The following SNTG1 variants were observed in gnomAD, a reference collection of about 807,000 sequenced individuals.
SNTG1 encodes gamma-1-syntrophin.
Under a neutral mutation model 74.7 loss-of-function variants are expected in SNTG1, and 39 were observed. That is an observed-to-expected ratio of 0.52 (90% CI 0.40 to 0.68). The LOEUF (loss-of-function observed/expected upper bound fraction) is 0.68. Among genes scored for constraint, SNTG1 ranks in the 30% least tolerant of loss-of-function variants. SNTG1 has a pLI of 0.00. For synonymous variants in SNTG1, 254 were observed against 217.1 expected, an observed-to-expected ratio of 1.17 and a Z score of -1.49; for missense variants, 685 against 609.5, an observed-to-expected ratio of 1.12 and a Z score of -1.30.
intron 17 of SNTG1, among the ~76,000 whole-genome samples, chr8:50,742,538 A>AT (rs2095545733): frequency 1.3e-5 from 2 of 151,846 alleles, no homozygotes; most frequent in South Asian, 4.1e-4. Context: ...GAGTATAAGT[A>AT]TATATATATT....
intron 12 of SNTG1, among the ~76,000 whole-genome samples, chr8:50,554,397 ACT>A (rs911512721): frequency 5.3e-5 from 8 of 150,714 alleles, no homozygotes; most frequent in African/African-American, 2.0e-4. Context: ...AATCTTCAAA[ACT>A]CTGTGTCACG....
intron 1 of SNTG1, among the ~76,000 whole-genome samples, chr8:50,045,472 C>T (rs901924659): frequency 6.6e-6 from 1 of 152,102 alleles, no homozygotes; most frequent in Non-Finnish European, 1.5e-5. Context: ...ATGACAATTT[C>T]ACCCCCATGA....
intron 2 of SNTG1, among the ~76,000 whole-genome samples, chr8:50,353,594 G>T (rs1206918208): frequency 6.6e-6 from 1 of 152,052 alleles, no homozygotes; most frequent in Non-Finnish European, 1.5e-5. Context: ...AAGTGAGTTT[G>T]GGCTTTGCTC....
At chr8:50,146,890 AT>A (rs59246656) in intron 1 of SNTG1, among the ~76,000 whole-genome samples, 3 of 151,698 alleles carry the variant, frequency 2.0e-5, no homozygotes, top group African/African-American at 4.8e-5. Context: ...GAGTTTTAAG[AT>A]TTTTTTATAC....
intron 8 of SNTG1, among the ~76,000 whole-genome samples, chr8:50,501,437 T>G (rs909582463): frequency 1.3e-4 from 17 of 127,554 alleles, no homozygotes; most frequent in African/African-American, 3.0e-4. Context: ...TTTTTTTTTT[T>G]TTTTTTTTTT....
intron 1 of SNTG1, among the ~76,000 whole-genome samples, chr8:50,131,977 T>C (rs1206617754): frequency 6.6e-6 from 1 of 152,088 alleles, no homozygotes; most frequent in East Asian, 1.9e-4. Flanking sequence ...TGTTGGAGAT[T>C]AGTTGACCAC....
intron 2 of SNTG1, among the ~76,000 whole-genome samples, chr8:50,293,419 TTTTTTTTTTAGAC>T (rs2089218242): frequency 2.0e-5 from 3 of 150,326 alleles, no homozygotes; most frequent in African/African-American, 7.3e-5. Context: ...TTTTTTTTCT[TTTTTTTTTTAGAC>T]TGAGTCTTGC....
chr8:50,283,068 T>C (rs1272746929), intron 2 of SNTG1, among the ~76,000 whole-genome samples: 2 of 152,178 alleles, frequency 1.3e-5, no homozygotes, highest in Non-Finnish European at 2.9e-5. Context: ...CAAGCTGTAG[T>C]TTAAGGAAAA....
intron 15 of SNTG1, among the ~76,000 whole-genome samples, chr8:50,672,211 G>T (rs1010936735): frequency 2.7e-5 from 4 of 148,070 alleles, no homozygotes; most frequent in Admixed American, 2.0e-4. Context: ...AAAAAAAAAT[G>T]TCTGGATCAA....
chr8:50,524,672 G>A (rs2094206088), intron 9 of SNTG1, among the ~76,000 whole-genome samples: 1 of 132,954 alleles, frequency 7.5e-6, no homozygotes. Flanking sequence ...AAACAGTACA[G>A]TATAACAACT....
intron 2 of SNTG1, among the ~76,000 whole-genome samples, chr8:50,249,795 C>T (rs2086565641): frequency 6.6e-6 from 1 of 152,088 alleles, no homozygotes; most frequent in Non-Finnish European, 1.5e-5. Context: ...TCTCAACCAA[C>T]ATCCTAGGAT....
At chr8:50,710,702 G>A (rs979156620) in intron 17 of SNTG1, among the ~76,000 whole-genome samples, 1 of 152,208 alleles carries the variant, frequency 6.6e-6, no homozygotes, top group Admixed American at 6.5e-5. Context: ...AGAAAATCAT[G>A]ACACCAATGT....
At chr8:50,275,245 G>A (rs1269674723) in intron 2 of SNTG1, among the ~76,000 whole-genome samples, 1 of 152,038 alleles carries the variant, frequency 6.6e-6, no homozygotes, top group Non-Finnish European at 1.5e-5. Flanking sequence ...CTCTAATAGT[G>A]TTTGTCTTTT....
chr8:50,343,223 G>A (rs1037902744), intron 2 of SNTG1, among the ~76,000 whole-genome samples: 5 of 152,116 alleles, frequency 3.3e-5, no homozygotes, highest in Admixed American at 6.5e-5. Context: ...ACTAAAAAGT[G>A]GGGAAAATAG....
At chr8:49,921,588 G>A (rs927190630) in intron 1 of SNTG1, among the ~76,000 whole-genome samples, 61 of 152,060 alleles carry the variant, frequency 4.0e-4, no homozygotes, top group African/African-American at 1.3e-3. Flanking sequence ...TATTGCTTCC[G>A]GTTTACAGCC....
intron 1 of SNTG1, among the ~76,000 whole-genome samples, chr8:50,071,882 C>T (rs1482581776): frequency 6.7e-6 from 1 of 150,002 alleles, no homozygotes; most frequent in African/African-American, 2.4e-5. Context: ...TTTTTGCCAT[C>T]CAATAGAGAT....
chr8:49,992,326 G>C (rs1813767434), intron 1 of SNTG1, among the ~76,000 whole-genome samples: 1 of 152,142 alleles, frequency 6.6e-6, no homozygotes, highest in South Asian at 2.1e-4. Context: ...GGGACTAACT[G>C]TACCTCCATT....
intron 18 of SNTG1, among the ~76,000 whole-genome samples, chr8:50,775,048 ATAAAAACAG>A (rs1184591272): frequency 1.3e-5 from 2 of 151,184 alleles, no homozygotes; most frequent in Non-Finnish European, 3.0e-5. Flanking sequence ...AACCCCCAAA[ATAAAAACAG>A]TAATGGAAAA....
chr8:50,233,943 T>G (rs1210076073), intron 2 of SNTG1, among the ~76,000 whole-genome samples: 1 of 151,892 alleles, frequency 6.6e-6, no homozygotes. Context: ...CATATATTTT[T>G]GTAAGGAATA....
Sources: gnomAD v4.1 joint callset for allele counts (sites outside exome capture counted in the v4.1 genomes callset) on GRCh38, gnomAD v4.1.1 for gene constraint, MANE v1.5 for transcripts, NCBI Gene and HGNC (gene_info 2026-07-23, HGNC 2026-07-21) for gene names.